Variants in GINS1 observed in about 807,000 individuals in gnomAD.
The protein encoded by GINS1 is DNA replication complex GINS protein PSF1.
In GINS1, 26 loss-of-function variants were observed where a neutral mutation model predicts 34.9. The observed-to-expected ratio is 0.74, with a 90% confidence interval of 0.55 to 1.03. The LOEUF (loss-of-function observed/expected upper bound fraction) is 1.03, where lower values mean the gene tolerates loss of function less well. Ranked by LOEUF, GINS1 falls within the 50% of genes least tolerant of loss-of-function variation. The pLI is 0.00. For missense variants in GINS1, 235 were observed against 237.9 expected, an observed-to-expected ratio of 0.99 and a Z score of 0.08; for synonymous variants, 97 against 84.4, an observed-to-expected ratio of 1.15 and a Z score of -0.82.
At position 25,441,829 on chromosome 20, in the gene GINS1, G is replaced by A. The variant is rs2090483567; in HGVS notation, c.522+53G>A. 4 of 865,296 alleles carry A rather than the reference G, an allele frequency of 4.6e-6. No homozygotes were observed. The African/African-American group carries it at 5.1e-5, about 11-fold the overall frequency. 53.6% of individuals were successfully genotyped at this position (865,296 alleles called of 1,614,324 possible). A position where few individuals can be genotyped will look rare whatever the true frequency, so the allele number is the denominator to read the frequency against. ...TTAAATCTTATGAGTGTTGTATGGT[G>A]GAAAAGTTGGAATAGCAAAATAAAT... On this transcript the variant is annotated intron_variant, in intron 6 of 6. Transcript: ENST00000262460.
chr20:25,432,658 G>A (rs1186842746), intron 5 of GINS1, among the ~76,000 whole-genome samples: 1 of 151,818 alleles, frequency 6.6e-6, no homozygotes, highest in Non-Finnish European at 1.5e-5. Flanking sequence ...GTAGAGATGG[G>A]ATTTCGCCAT....
rs779990950 is a variant in GINS1 at position 25,445,998 on chromosome 20, G to A, written c.*7G>A. On this transcript the variant is annotated 3_prime_UTR_variant, in exon 7 of 7. Coordinates refer to ENST00000262460, the MANE Select transcript of GINS1 (RefSeq NM_021067.5). Reference sequence around the variant, plus strand: ...GGAGCACATCCTGTCATGACCATGCGCCGAGGCACTTCCAGGCTTCACTCA... The same window carrying A: ...GGAGCACATCCTGTCATGACCATGCACCGAGGCACTTCCAGGCTTCACTCA... 4.2e-5 allele frequency: 66 copies of A among 1,578,246 alleles called. No homozygotes were observed. Among genetic ancestry groups the A allele is most frequent in the African/African-American group, 9.4e-5 (7 of 74,120 alleles).
chr20:25,424,673 T>C (rs531448763), intron 4 of GINS1, among the ~76,000 whole-genome samples: 1 of 152,368 alleles, frequency 6.6e-6, no homozygotes, highest in African/African-American at 2.4e-5. Context: ...ATCTACTTTC[T>C]GTCTCTATAG....
chr20:25,441,558 C>T (rs1364182355), intron 5 of GINS1, 144 bp from the exon 6 acceptor site: 2 of 503,948 alleles, frequency 4.0e-6, no homozygotes, highest in Non-Finnish European at 3.6e-6. Flanking sequence ...TAGAATACCA[C>T]AATAGTAGTA....
chr20:25,417,683 C>T (rs1370103333), intron 3 of GINS1, among the ~76,000 whole-genome samples: 1 of 152,090 alleles, frequency 6.6e-6, no homozygotes, highest in Non-Finnish European at 1.5e-5. Context: ...TGGTGAAACC[C>T]TGTCTCTACT....
intron 6 of GINS1, chr20:25,443,264 T>G (rs1176892622): frequency 8.5e-5 from 13 of 152,156 alleles, no homozygotes; most frequent in Admixed American, 8.5e-4. Context: ...CCCTAAAGTC[T>G]TCAGTTGTTA....
intron 5 of GINS1, among the ~76,000 whole-genome samples, chr20:25,441,405 C>T (rs927506010): frequency 6.6e-6 from 1 of 152,088 alleles, no homozygotes; most frequent in African/African-American, 2.4e-5. Flanking sequence ...AGATATTTCA[C>T]CTGCTTAATT....
At chr20:25,437,425 T>G (rs2090460038) in intron 5 of GINS1, among the ~76,000 whole-genome samples, 1 of 152,254 alleles carries the variant, frequency 6.6e-6, no homozygotes, top group South Asian at 2.1e-4. Context: ...GAACAGGGGA[T>G]GGTTAGCTGC....
At chr20:25,420,687 C>T (rs987819567) in intron 4 of GINS1, among the ~76,000 whole-genome samples, 2 of 150,324 alleles carry the variant, frequency 1.3e-5, no homozygotes, top group African/African-American at 4.9e-5. Context: ...AGGCTGAGGG[C>T]AGGACAATTG....
chr20:25,445,697 G>C (rs565213620), intron 6 of GINS1, among the ~76,000 whole-genome samples: 1 of 152,030 alleles, frequency 6.6e-6, no homozygotes, highest in Admixed American at 6.6e-5. Context: ...TGGTTAGGCT[G>C]GTCTTGAACC....
At chr20:25,419,652 T>G (rs1436493766) in intron 4 of GINS1, 1 of 744,344 alleles carries the variant, frequency 1.3e-6, no homozygotes, top group South Asian at 1.9e-5. Flanking sequence ...TCATACAATA[T>G]TTTAGATTAA....
In GINS1 at chr20:25,420,336, A is replaced by G. The variant is rs992451876; in HGVS notation, c.330+2141A>G. On this transcript the variant is annotated intron_variant, in intron 4 of 6. Coordinates refer to ENST00000262460, the MANE Select transcript of GINS1 (RefSeq NM_021067.5). The stretch of plus-strand genomic sequence containing the variant: ...TTTAGTAGAGACGGGGTTTCACTGT[A>G]TTGGCCAGGCTGGTCCTGAGCTCCT... 3.3e-5 allele frequency among the ~76,000 whole-genome samples: 5 copies of G among 149,512 alleles called. No homozygotes were observed. The South Asian group carries it at 1.1e-3, about 32-fold the overall frequency.
intron 6 of GINS1, chr20:25,442,876 G>A (rs2146225297): frequency 6.6e-6 from 1 of 152,310 alleles, no homozygotes; most frequent in East Asian, 1.9e-4. Flanking sequence ...AAAGTGCTGG[G>A]ATTACAGGCT....
intron 4 of GINS1, among the ~76,000 whole-genome samples, chr20:25,421,654 T>G: frequency 6.6e-6 from 1 of 152,226 alleles, no homozygotes; most frequent in East Asian, 1.9e-4. Context: ...AATAGGTATT[T>G]TTTTCTTTCC....
chr20:25,411,695 C>G (rs1315255750), intron 1 of GINS1, among the ~76,000 whole-genome samples: 1 of 152,032 alleles, frequency 6.6e-6, no homozygotes, highest in Non-Finnish European at 1.5e-5. Flanking sequence ...GTAATCCTAG[C>G]ACTTTGGGAG....
chr20:25,437,332 G>A (rs1051997220), intron 5 of GINS1, among the ~76,000 whole-genome samples: 2 of 152,212 alleles, frequency 1.3e-5, no homozygotes, highest in African/African-American at 4.8e-5. Context: ...TGAGGAGCAG[G>A]GTGCTTTTTG....
At chr20:25,411,362 T>A (rs553313515) in intron 1 of GINS1, 1 of 152,072 alleles carries the variant, frequency 6.6e-6, no homozygotes, top group African/African-American at 2.4e-5. Context: ...TTGAGCAGAG[T>A]TGAGTAGTTG....
chr20:25,429,402 G>T (rs2090414695), intron 5 of GINS1, among the ~76,000 whole-genome samples: 1 of 151,922 alleles, frequency 6.6e-6, no homozygotes, highest in African/African-American at 2.4e-5. Flanking sequence ...GATTGTGTAG[G>T]TCACTTAGGG....
At chr20:25,409,915 A>C (rs1275068565) in intron 1 of GINS1, among the ~76,000 whole-genome samples, 4 of 152,180 alleles carry the variant, frequency 2.6e-5, no homozygotes, top group East Asian at 1.9e-4. Context: ...GAGAACAGAG[A>C]GACTGTGCAA....
Sources: allele counts gnomAD v4.1 joint callset (sites outside exome capture counted in the v4.1 genomes callset), GRCh38; gene constraint gnomAD v4.1.1; transcripts MANE v1.5; gene names NCBI Gene and HGNC (gene_info 2026-07-23, HGNC 2026-07-21).